Variants in THEMIS observed in about 807,000 individuals in gnomAD.
THEMIS encodes thymocyte selection associated.
THEMIS carries 37 observed loss-of-function variants against 52.6 expected under a neutral mutation model. That is an observed-to-expected ratio of 0.70 (90% CI 0.54 to 0.93). The LOEUF is 0.93. Ranked by LOEUF, THEMIS falls within the 40% of genes least tolerant of loss-of-function variation. THEMIS has a pLI of 0.00. For synonymous variants in THEMIS, 292 were observed against 272.7 expected (o/e 1.07, Z -0.70); for missense variants, 808 against 763.1 (o/e 1.06, Z -0.69).
At chr6:127,908,936 A>G (rs1178845971) in intron 1 of THEMIS, among the ~76,000 whole-genome samples, 1 of 152,042 alleles carries the variant, frequency 6.6e-6, no homozygotes, top group East Asian at 1.9e-4. Flanking sequence ...AGTAGAGCTT[A>G]AAACATTTAA....
At chr6:127,780,705 A>C (rs1776714594) in intron 4 of THEMIS, among the ~76,000 whole-genome samples, 1 of 152,174 alleles carries the variant, frequency 6.6e-6, no homozygotes, top group Non-Finnish European at 1.5e-5. Context: ...CTTTTCTTTA[A>C]GAATGTTGAA....
chr6:127,846,179 T>C (rs1779208141), intron 2 of THEMIS, among the ~76,000 whole-genome samples: 1 of 150,134 alleles, frequency 6.7e-6, no homozygotes, highest in African/African-American at 2.5e-5. Context: ...ATGCAGACTT[T>C]ACAGATTTAG....
At chr6:127,770,332 G>C (rs1420978791) in intron 4 of THEMIS, among the ~76,000 whole-genome samples, 2 of 152,170 alleles carry the variant, frequency 1.3e-5, no homozygotes, top group African/African-American at 4.8e-5. Context: ...GTGTGAGATG[G>C]TATCTCATTG....
chr6:127,722,548 C>T (rs551717834), intron 4 of THEMIS, among the ~76,000 whole-genome samples: 76 of 152,030 alleles, frequency 5.0e-4, no homozygotes, highest in African/African-American at 1.8e-3. Context: ...TGTTCAACTT[C>T]TTTTCTGAAT....
chr6:127,906,962 A>T (rs956082868), intron 1 of THEMIS, among the ~76,000 whole-genome samples: 3 of 151,924 alleles, frequency 2.0e-5, no homozygotes, highest in Non-Finnish European at 4.4e-5. Context: ...ACAAAAAAAA[A>T]AATTCACAAG....
chr6:127,879,864 T>C (rs1033115553), intron 1 of THEMIS, among the ~76,000 whole-genome samples: 8 of 151,910 alleles, frequency 5.3e-5, no homozygotes, highest in Non-Finnish European at 7.4e-5. Context: ...TTCCACAGTT[T>C]GGTATTTTCC....
chr6:127,781,649 C>T (rs956423824), intron 4 of THEMIS, among the ~76,000 whole-genome samples: 2 of 152,082 alleles, frequency 1.3e-5, no homozygotes, highest in African/African-American at 4.8e-5. Flanking sequence ...ACAGTCAGGC[C>T]CCTCTGCTGC....
chr6:127,848,178 G>T (rs866418055), intron 2 of THEMIS, among the ~76,000 whole-genome samples: 9 of 148,606 alleles, frequency 6.1e-5, no homozygotes, highest in African/African-American at 2.0e-4. Context: ...GCGGTGTTTG[G>T]TTTTTTTGTC....
chr6:127,698,285 G>C, the THEMIS span, among the ~76,000 whole-genome samples: 1 of 151,934 alleles, frequency 6.6e-6, no homozygotes, highest in Non-Finnish European at 1.5e-5. Flanking sequence ...TCTTGATATG[G>C]AAAATAGAGT....
At chr6:127,721,158 C>T (rs1774350843) in intron 4 of THEMIS, among the ~76,000 whole-genome samples, 1 of 151,986 alleles carries the variant, frequency 6.6e-6, no homozygotes, top group Admixed American at 6.6e-5. Context: ...TAGGTCACCC[C>T]AGTTGTCCAA....
At chr6:127,722,846 C>A (rs1050229010) in intron 4 of THEMIS, among the ~76,000 whole-genome samples, 3 of 152,002 alleles carry the variant, frequency 2.0e-5, no homozygotes, top group Non-Finnish European at 2.9e-5. Context: ...AGACTTTTGT[C>A]TTTTCTAGCC....
chr6:127,902,961 C>A (rs764479148), upstream of THEMIS, among the ~76,000 whole-genome samples: 4 of 152,022 alleles, frequency 2.6e-5, no homozygotes, highest in Admixed American at 6.6e-5. Context: ...ACAGCCATTT[C>A]GTATCACCAA....
downstream of THEMIS, among the ~76,000 whole-genome samples, chr6:127,704,089 G>A (rs1037382223): frequency 1.4e-4 from 22 of 152,206 alleles, no homozygotes; most frequent in South Asian, 1.0e-3. Flanking sequence ...TAAAAGGCCC[G>A]TCTTTTAATA....
chr6:127,843,727 G>A (rs960005427), intron 2 of THEMIS, among the ~76,000 whole-genome samples: 9 of 151,916 alleles, frequency 5.9e-5, no homozygotes, highest in African/African-American at 2.2e-4. Flanking sequence ...AAAAGGGTAT[G>A]GTAGAAGTGA....
intron 4 of THEMIS, among the ~76,000 whole-genome samples, chr6:127,759,868 T>C (rs1775962530): frequency 1.6e-5 from 2 of 124,074 alleles, no homozygotes; most frequent in South Asian, 6.1e-4. Context: ...CCTTCCTTCC[T>C]TCCTTCCTTC....
chr6:127,838,571 T>C (rs1410012797), intron 2 of THEMIS, among the ~76,000 whole-genome samples: 1 of 152,074 alleles, frequency 6.6e-6, no homozygotes, highest in African/African-American at 2.4e-5. Context: ...TGTTTCCTTA[T>C]GGTTTTCTAT....
At chr6:127,784,957 A>G (rs1338425495) in intron 4 of THEMIS, among the ~76,000 whole-genome samples, 15 of 28,178 alleles carry the variant, frequency 5.3e-4, no homozygotes, top group African/African-American at 1.5e-3. Flanking sequence ...CACACTATCT[A>G]TCTATCTATC....
chr6:127,812,798 A>C, intron 4 of THEMIS, 85 bp downstream of exon 4: 1 of 1,369,848 alleles, frequency 7.3e-7, no homozygotes, highest in South Asian at 1.4e-5. Flanking sequence ...AAAGAAAAGT[A>C]AGCAAAACAC....
At chr6:127,837,279 G>C (rs1778902607) in intron 2 of THEMIS, among the ~76,000 whole-genome samples, 1 of 152,036 alleles carries the variant, frequency 6.6e-6, no homozygotes. Context: ...AGGAAGAATA[G>C]AGCTGCAATG....
Sources: allele counts gnomAD v4.1 joint callset (sites outside exome capture counted in the v4.1 genomes callset), GRCh38; gene constraint gnomAD v4.1.1; transcripts MANE v1.5; gene names NCBI Gene and HGNC (gene_info 2026-07-23, HGNC 2026-07-21).